The following NBEA variants were observed in gnomAD, a reference collection of about 807,000 sequenced individuals.
NBEA encodes the protein lysosomal-trafficking regulator 2.
Under a neutral mutation model 343.4 loss-of-function variants are expected in NBEA, and 44 were observed. The ratio of observed to expected loss-of-function variants is 0.13; its 90% confidence interval spans 0.10 to 0.16. The LOEUF is 0.16. Ranked by LOEUF, NBEA falls within the 10% of genes least tolerant of loss-of-function variation. The pLI, the probability that NBEA is intolerant of heterozygous loss-of-function variation, is 1.00. For missense variants in NBEA, 2,555 were observed against 3,631.3 expected (o/e 0.70, Z 7.62); for synonymous variants, 1,175 against 1,238.7 (o/e 0.95, Z 1.08).
chr13:35,476,726 C>A, intron 41 of NBEA: 1 of 1,060,136 alleles, frequency 9.4e-7, no homozygotes. Flanking sequence ...ATTATAAAGG[C>A]AGGGCCAGGC....
intron 47 of NBEA, among the ~76,000 whole-genome samples, chr13:35,602,699 G>T (rs985381433): frequency 6.6e-6 from 1 of 152,158 alleles, no homozygotes; most frequent in Non-Finnish European, 1.5e-5. Context: ...GGCCTGATAA[G>T]AATGGAGCCA....
chr13:35,091,838 A>G (rs934811801), intron 10 of NBEA, among the ~76,000 whole-genome samples: 1 of 152,026 alleles, frequency 6.6e-6, no homozygotes, highest in African/African-American at 2.4e-5. Context: ...GACTTAACAT[A>G]TAAAGATGTC....
At chr13:35,447,045 A>T (rs1244187830) in intron 39 of NBEA, among the ~76,000 whole-genome samples, 4 of 151,994 alleles carry the variant, frequency 2.6e-5, no homozygotes, top group African/African-American at 9.7e-5. Flanking sequence ...TTTAGAGTTG[A>T]TTATAGGAGG....
chr13:35,408,526 G>A (rs933469695), intron 38 of NBEA, among the ~76,000 whole-genome samples: 5 of 152,046 alleles, frequency 3.3e-5, no homozygotes, highest in Non-Finnish European at 7.4e-5. Context: ...TGTTTAAAGA[G>A]CTTCTGCACA....
chr13:35,025,197 T>C (rs117301262), intron 1 of NBEA, among the ~76,000 whole-genome samples: 6,956 of 152,268 alleles, frequency 0.046, 237 homozygotes, highest in Non-Finnish European at 0.067. Flanking sequence ...CACTTGTTTA[T>C]TTTTGTTTTT....
intron 34 of NBEA, among the ~76,000 whole-genome samples, chr13:35,282,220 T>C (rs2152811974): frequency 6.6e-6 from 1 of 152,236 alleles, no homozygotes; most frequent in South Asian, 2.1e-4. Flanking sequence ...CCAATTATTT[T>C]ATTTTTAATA....
intron 38 of NBEA, among the ~76,000 whole-genome samples, chr13:35,371,709 C>A (rs1021088137): frequency 1.3e-5 from 2 of 152,120 alleles, no homozygotes; most frequent in African/African-American, 4.8e-5. Context: ...ATGTTGATAT[C>A]TGCACATCTG....
chr13:35,318,318 T>A (rs373914782), intron 36 of NBEA, among the ~76,000 whole-genome samples: 39 of 152,300 alleles, frequency 2.6e-4, no homozygotes, highest in African/African-American at 8.7e-4. Context: ...GAAGGGGTGT[T>A]GAATTTTATC....
chr13:35,088,720 A>G (rs1193355460), intron 10 of NBEA, among the ~76,000 whole-genome samples: 1 of 151,942 alleles, frequency 6.6e-6, no homozygotes, highest in Admixed American at 6.6e-5. Context: ...GATATAGATC[A>G]ATGGAACAGA....
At chr13:35,530,523 G>C (rs2078211176) in intron 41 of NBEA, among the ~76,000 whole-genome samples, 1 of 152,174 alleles carries the variant, frequency 6.6e-6, no homozygotes, top group Non-Finnish European at 1.5e-5. Context: ...CCAGGGCCTT[G>C]TTTTGACAAA....
chr13:35,016,607 C>CAG (rs1385636751), intron 1 of NBEA, among the ~76,000 whole-genome samples: 1 of 151,904 alleles, frequency 6.6e-6, no homozygotes, highest in African/African-American at 2.4e-5. Flanking sequence ...CACACACACA[C>CAG]ACACACACAC....
chr13:35,364,660 T>C (rs1183676597), intron 38 of NBEA, among the ~76,000 whole-genome samples: 2 of 151,696 alleles, frequency 1.3e-5, no homozygotes, highest in East Asian at 3.9e-4. Flanking sequence ...AATCAGGAGA[T>C]TATGAAACTA....
chr13:35,114,912 A>C (rs1215796832), intron 13 of NBEA, among the ~76,000 whole-genome samples: 1 of 152,188 alleles, frequency 6.6e-6, no homozygotes, highest in Non-Finnish European at 1.5e-5. Flanking sequence ...GCTTTCTTTT[A>C]AGGACACTCT....
chr13:35,058,064 T>A (rs1053035513), intron 7 of NBEA, among the ~76,000 whole-genome samples: 6 of 152,026 alleles, frequency 3.9e-5, no homozygotes, highest in African/African-American at 4.8e-5. Context: ...GTGGGCGGGG[T>A]GTAAGAAGTA....
At chr13:34,974,442 A>C (rs1187548873) in intron 1 of NBEA, among the ~76,000 whole-genome samples, 3 of 152,184 alleles carry the variant, frequency 2.0e-5, no homozygotes. Flanking sequence ...TTCATTTCTT[A>C]GTATATGTGA....
intron 1 of NBEA, among the ~76,000 whole-genome samples, chr13:34,999,302 A>T (rs931082460): frequency 3.3e-5 from 5 of 152,120 alleles, no homozygotes; most frequent in African/African-American, 1.2e-4. Flanking sequence ...CATCAGGGTA[A>T]ATAGGGTATC....
chr13:35,159,313 G>A lies in NBEA; in HGVS notation c.3142G>A (p.Val1048Ile), dbSNP rs2069393139. ...AAATTCAGATAGACCAGGAAGTGGT[G>A]TACATGTGGAAGTACATGATCTTTT... ...LGNSDRPGSG[V>I]HVEVHDLLVD... Residue 1048 changes from valine (V) to isoleucine (I), a missense_variant, in exon 22 of 59, where the codon GTA (valine) becomes ATA (isoleucine). By Grantham distance (29) the Val-to-Ile change is conservative. Around this residue, in one of 21 missense-constraint regions of NBEA, gnomAD observed 367 missense variants for 377.5 expected, o/e 0.97. Coordinates refer to ENST00000379939, the MANE Select transcript of NBEA (RefSeq NM_001385012.1). The A allele has an allele frequency of 1.2e-6, 2 of 1,613,608 alleles. No individual in the cohort carries two copies. The highest frequency in any genetic ancestry group is 1.7e-6 in the Non-Finnish European group (2 of 1,179,684).
At chr13:35,594,218 A>C (rs557271442) in intron 47 of NBEA, among the ~76,000 whole-genome samples, 95 of 152,184 alleles carry the variant, frequency 6.2e-4, no homozygotes, top group African/African-American at 2.1e-3. Context: ...TCTTCAAGGC[A>C]CATTTTTTTC....
intron 41 of NBEA, among the ~76,000 whole-genome samples, chr13:35,521,965 A>G (rs1262994626): frequency 6.6e-6 from 1 of 152,202 alleles, no homozygotes; most frequent in Admixed American, 6.5e-5. Flanking sequence ...GAAGATTCTT[A>G]AATATGAACC....
Sources: allele counts gnomAD v4.1 joint callset (sites outside exome capture counted in the v4.1 genomes callset), GRCh38; gene constraint gnomAD v4.1.1; regional missense constraint gnomAD v4.1.1; transcripts MANE v1.5; gene names NCBI Gene and HGNC (gene_info 2026-07-23, HGNC 2026-07-21).